TBC1D22A: variants seen among roughly 807,000 people sequenced by gnomAD.
TBC1D22A encodes TBC1 domain family member 22A, also known as putative GTPase activator.
TBC1D22A carries 38 observed loss-of-function variants against 60.2 expected under a neutral mutation model. The ratio of observed to expected loss-of-function variants is 0.63; its 90% CI spans 0.49 to 0.83. TBC1D22A has a LOEUF of 0.83. TBC1D22A is among the 40% of genes least tolerant of loss of function. The probability of loss-of-function intolerance (pLI) is 0.00; values close to 1 mark genes in which losing one functional copy is unlikely to be tolerated. For synonymous variants in TBC1D22A, 302 were observed against 281.7 expected (o/e 1.07, Z -0.72); for missense variants, 628 against 701.0 (o/e 0.90, Z 1.18).
chr22:46,896,970 C>T (rs1036880800), intron 7 of TBC1D22A, among the ~76,000 whole-genome samples: 5 of 152,114 alleles, frequency 3.3e-5, no homozygotes, highest in Admixed American at 6.5e-5. Context: ...GAATGGATAG[C>T]TTTATGAAAT....
intron 5 of TBC1D22A, among the ~76,000 whole-genome samples, chr22:46,879,757 T>G (rs975220027): frequency 1.3e-5 from 2 of 152,252 alleles, no homozygotes; most frequent in African/African-American, 4.8e-5. Context: ...GAAGTTATGA[T>G]GAAAACACCG....
At chr22:46,908,296 G>C (rs567775131) in intron 7 of TBC1D22A, among the ~76,000 whole-genome samples, 19 of 152,140 alleles carry the variant, frequency 1.2e-4, no homozygotes, top group Non-Finnish European at 2.4e-4. Context: ...TGGTGATGGC[G>C]TGTGGGGTCC....
At chr22:46,902,029 A>C (rs528235603) in intron 7 of TBC1D22A, among the ~76,000 whole-genome samples, 1 of 152,358 alleles carries the variant, frequency 6.6e-6, no homozygotes, top group Admixed American at 6.5e-5. Context: ...CCTCGTGTGC[A>C]CTGAACTGCT....
intron 4 of TBC1D22A, among the ~76,000 whole-genome samples, chr22:46,799,446 T>C (rs551825587): frequency 6.6e-6 from 1 of 152,194 alleles, no homozygotes; most frequent in Non-Finnish European, 1.5e-5. Flanking sequence ...ATTCCCTCAG[T>C]ATCATCACAG....
intron 8 of TBC1D22A, among the ~76,000 whole-genome samples, chr22:46,925,419 A>G (rs2038536876): frequency 6.6e-6 from 1 of 152,268 alleles, no homozygotes; most frequent in Non-Finnish European, 1.5e-5. Flanking sequence ...CTGACTGTGC[A>G]GGTGCCACAT....
chr22:46,783,261 A>C (rs928617365), intron 1 of TBC1D22A, among the ~76,000 whole-genome samples: 8 of 152,186 alleles, frequency 5.3e-5, no homozygotes, highest in African/African-American at 1.9e-4. Context: ...GGGCAGACTT[A>C]GAGTTATCAG....
chr22:46,840,939 C>G (rs988011059), intron 4 of TBC1D22A, among the ~76,000 whole-genome samples: 2 of 152,016 alleles, frequency 1.3e-5, no homozygotes, highest in Non-Finnish European at 2.9e-5. Context: ...AAGTCAGTGC[C>G]TCGTAGAGGA....
At chr22:46,815,941 G>C (rs894905239) in intron 4 of TBC1D22A, among the ~76,000 whole-genome samples, 3 of 152,180 alleles carry the variant, frequency 2.0e-5, no homozygotes, top group South Asian at 2.1e-4. Flanking sequence ...GTATACCTGC[G>C]TGCGCCATGG....
chr22:46,774,226 C>G, intron 1 of TBC1D22A: 1 of 985,632 alleles, frequency 1.0e-6, no homozygotes, highest in South Asian at 4.7e-5. Context: ...AGAGATTCTT[C>G]TGGAGTGAGG....
rs1374660279 is a variant in TBC1D22A, at chr22:47,173,828, A to T, written c.*202A>T. 1 of 852,456 alleles carries T rather than the reference A, an allele frequency of 1.2e-6. No individual in the cohort carries two copies. Among genetic ancestry groups the T allele is most frequent in the African/African-American group, 1.7e-5 (1 of 57,838 alleles). The allele number at this position is 852,456 out of a possible 1,614,324, so 52.8% of individuals were successfully genotyped here. A position where few individuals can be genotyped will look rare whatever the true frequency, so the allele number is the denominator to read the frequency against. On this transcript the variant is annotated 3_prime_UTR_variant, in exon 13 of 13. Coordinates refer to ENST00000337137, the MANE Select transcript of TBC1D22A (RefSeq NM_014346.5). ...AGGGACAGCCTTTGTTTTCTGAGAT[A>T]CCAAAGAGAGCCAGGGGAGGGCCCC...
At chr22:46,901,934 A>G (rs2069024662) in intron 7 of TBC1D22A, among the ~76,000 whole-genome samples, 1 of 93,140 alleles carries the variant, frequency 1.1e-5, no homozygotes, top group African/African-American at 4.2e-5. Flanking sequence ...AAAATTTCTC[A>G]AATCAGATTG....
intron 1 of TBC1D22A, among the ~76,000 whole-genome samples, chr22:46,784,680 A>G (rs1339515816): frequency 6.6e-6 from 1 of 152,244 alleles, no homozygotes; most frequent in African/African-American, 2.4e-5. Flanking sequence ...ACATGCAAAT[A>G]GTGGCCAGTA....
chr22:47,044,764 T>C (rs547734502), intron 11 of TBC1D22A, among the ~76,000 whole-genome samples: 5 of 152,366 alleles, frequency 3.3e-5, no homozygotes, highest in African/African-American at 1.2e-4. Context: ...GTGTATCTAT[T>C]CCTTCGGAGT....
intron 4 of TBC1D22A, among the ~76,000 whole-genome samples, chr22:46,816,705 C>T (rs981807069): frequency 1.3e-5 from 2 of 151,928 alleles, no homozygotes; most frequent in East Asian, 3.9e-4. Context: ...CCTTTTGATG[C>T]TTATGCATAT....
At chr22:47,048,178 C>T (rs960393018) in intron 11 of TBC1D22A, among the ~76,000 whole-genome samples, 5 of 152,114 alleles carry the variant, frequency 3.3e-5, no homozygotes, top group African/African-American at 1.2e-4. Context: ...CAGGCTGGGC[C>T]CTGCTGCTGA....
intron 12 of TBC1D22A, among the ~76,000 whole-genome samples, chr22:47,168,909 C>T (rs958850806): frequency 2.6e-5 from 4 of 152,188 alleles, no homozygotes; most frequent in South Asian, 2.1e-4. Context: ...TCTTCAGCAT[C>T]GGAAGCCTCA....
intron 11 of TBC1D22A, among the ~76,000 whole-genome samples, chr22:47,090,054 G>A (rs186707771): frequency 8.5e-5 from 13 of 152,272 alleles, no homozygotes; most frequent in African/African-American, 1.9e-4. Context: ...GGGCCCCGCC[G>A]TGCGCAGCGG....
At chr22:46,799,475 G>A (rs1295131231) in intron 4 of TBC1D22A, among the ~76,000 whole-genome samples, 2 of 152,178 alleles carry the variant, frequency 1.3e-5, no homozygotes, top group Admixed American at 1.3e-4. Flanking sequence ...TCACAATCAG[G>A]AAATTTAACG....
intron 8 of TBC1D22A, among the ~76,000 whole-genome samples, chr22:46,938,313 C>T (rs1246535832): frequency 1.3e-5 from 2 of 152,204 alleles, no homozygotes; most frequent in Admixed American, 1.3e-4. Context: ...GTATTCACTA[C>T]AGTAACACGC....
Sources: gnomAD v4.1 joint callset for allele counts (sites outside exome capture counted in the v4.1 genomes callset) on GRCh38, gnomAD v4.1.1 for gene constraint, MANE v1.5 for transcripts, NCBI Gene and HGNC (gene_info 2026-07-23, HGNC 2026-07-21) for gene names.